Variants in MPP7 observed in about 807,000 individuals in gnomAD.
The protein encoded by MPP7 is MAGUK p55 subfamily member 7.
MPP7 carries 60 observed loss-of-function variants against 76.5 expected under a neutral mutation model. That is an observed-to-expected ratio of 0.78 (90% CI 0.64 to 0.97). The LOEUF is 0.97. Ranked by LOEUF, MPP7 falls within the 50% of genes least tolerant of loss-of-function variation. The pLI is 0.00. For missense variants in MPP7, 641 were observed against 694.0 expected (o/e 0.92, Z 0.86); for synonymous variants, 237 against 244.5 (o/e 0.97, Z 0.29).
chr10:28,068,183 T>C (rs1355984065), intron 13 of MPP7, among the ~76,000 whole-genome samples: 1 of 152,184 alleles, frequency 6.6e-6, no homozygotes, highest in Non-Finnish European at 1.5e-5. Context: ...GCTTTTGTAA[T>C]TGAGGTGAAT....
In MPP7 at chr10:28,255,419, C is replaced by CT. The variant is rs36120518; in HGVS notation, c.-131-16685dup. Among the ~76,000 whole-genome samples the CT allele has an allele frequency of 1.4e-3, 201 of 142,812 alleles. 1 individual carries two copies. The highest frequency in any genetic ancestry group is 7.6e-3 in the Middle Eastern group (2 of 264). 93.7% of individuals were successfully genotyped at this position (142,812 alleles called of 152,430 possible). A position where few individuals can be genotyped will look rare whatever the true frequency, so the allele number is the denominator to read the frequency against. ...GAGCCACCGCCTGGCCCACCTTTTT[C>CT]TTTTTTTTTTTTTCTGCAACGGAGT... On this transcript the variant is annotated intron_variant, in intron 1 of 16. Transcript: ENST00000683449.
Position 28,120,223 on chromosome 10 carries a change from G to A in MPP7, c.858C>T (p.Gly286=). The change falls in exon 10 of 17, where the codon GGC becomes GGT. Residue 286 remains glycine (G), a synonymous_variant. Transcript: ENST00000683449. The part of the protein sequence containing the change: ...KHEADANPRA[G]LIPSKHFQER... ...CCTGGAAATGCTTTGAGGGGATCAA[G>A]CCTGCCCTGGGGTTGGCATCAGCTT... The A allele has an allele frequency of 6.2e-7, 1 of 1,613,980 alleles. No individual in the cohort carries two copies. The highest frequency in any genetic ancestry group is 8.5e-7 in the Non-Finnish European group (1 of 1,179,894).
At chr10:28,117,457 C>A (rs957521207) in intron 11 of MPP7, among the ~76,000 whole-genome samples, 4 of 151,960 alleles carry the variant, frequency 2.6e-5, no homozygotes, top group African/African-American at 4.8e-5. Context: ...AGATTTTATA[C>A]CAACTTGCTG....
intron 8 of MPP7, among the ~76,000 whole-genome samples, chr10:28,121,411 G>T (rs903932204): frequency 2.1e-5 from 3 of 145,872 alleles, no homozygotes; most frequent in Non-Finnish European, 3.0e-5. Flanking sequence ...ATGCCCATCA[G>T]AAAAAAAAAA....
intron 3 of MPP7, among the ~76,000 whole-genome samples, chr10:28,162,362 C>T (rs527587873): frequency 2.2e-4 from 34 of 152,078 alleles, no homozygotes; most frequent in Non-Finnish European, 3.8e-4. Flanking sequence ...TTTTTTAATG[C>T]ATGGTAATAG....
chr10:28,059,849 A>T (rs1158324449), intron 13 of MPP7, 106 bp from the exon 14 acceptor site: 3 of 756,386 alleles, frequency 4.0e-6, no homozygotes, highest in Non-Finnish European at 6.6e-6. Context: ...AACAGGATTT[A>T]AAAATGTATT....
At chr10:28,171,061 AAATG>A (rs2133866738) in intron 3 of MPP7, among the ~76,000 whole-genome samples, 1 of 152,314 alleles carries the variant, frequency 6.6e-6, no homozygotes, top group Non-Finnish European at 1.5e-5. Context: ...AAAATTCTCA[AAATG>A]TCACACTACA....
chr10:28,226,912 T>G (rs1215515118), intron 2 of MPP7, among the ~76,000 whole-genome samples: 2 of 152,198 alleles, frequency 1.3e-5, no homozygotes, highest in African/African-American at 4.8e-5. Flanking sequence ...AGTAAAGGCA[T>G]GCAATGTAGT....
At chr10:28,239,334 CG>C (rs1398295707) in intron 1 of MPP7, among the ~76,000 whole-genome samples, 1 of 150,908 alleles carries the variant, frequency 6.6e-6, no homozygotes, top group Non-Finnish European at 1.5e-5. Flanking sequence ...TTAATAGAGA[CG>C]GGGGTTTCAC....
At chr10:28,183,540 A>C (rs537558109) in intron 3 of MPP7, among the ~76,000 whole-genome samples, 1 of 152,280 alleles carries the variant, frequency 6.6e-6, no homozygotes, top group African/African-American at 2.4e-5. Flanking sequence ...TGTAATCCCA[A>C]CACTTTGGGA....
At chr10:28,133,491 C>A (rs935722881) in intron 5 of MPP7, among the ~76,000 whole-genome samples, 34 of 152,212 alleles carry the variant, frequency 2.2e-4, no homozygotes, top group Non-Finnish European at 4.7e-4. Context: ...TCATACATGT[C>A]CATAATTTAT....
chr10:28,309,829 C>A (rs1841279215), intron 2 of MPP7, among the ~76,000 whole-genome samples: 1 of 123,336 alleles, frequency 8.1e-6, no homozygotes, highest in African/African-American at 3.3e-5. Flanking sequence ...GTGGCACATC[C>A]CCTCCCTGGG....
intron 2 of MPP7, among the ~76,000 whole-genome samples, chr10:28,237,368 C>A (rs1437737946): frequency 6.6e-6 from 1 of 152,120 alleles, no homozygotes; most frequent in African/African-American, 2.4e-5. Flanking sequence ...AAGGGTCTGG[C>A]TTCCAAGTTA....
At chr10:28,274,369 G>T (rs1172180771) in intron 1 of MPP7, among the ~76,000 whole-genome samples, 1 of 150,394 alleles carries the variant, frequency 6.6e-6, no homozygotes, top group Admixed American at 6.6e-5. Flanking sequence ...AAAGTGCTGG[G>T]ATTACAGGCA....
At chr10:28,112,713 A>G (rs1288778223) in intron 11 of MPP7, among the ~76,000 whole-genome samples, 1 of 152,212 alleles carries the variant, frequency 6.6e-6, no homozygotes, top group Admixed American at 6.5e-5. Flanking sequence ...TTGATCTCAG[A>G]AGAGAGTTGG....
chr10:28,126,166 T>C (rs1291550727), intron 6 of MPP7, among the ~76,000 whole-genome samples: 3 of 152,178 alleles, frequency 2.0e-5, no homozygotes, highest in African/African-American at 7.2e-5. Context: ...AAGAATTAAG[T>C]GACAGGCATT....
intron 11 of MPP7, among the ~76,000 whole-genome samples, chr10:28,111,863 TATG>T (rs1258947044): frequency 2.0e-5 from 3 of 152,156 alleles, no homozygotes; most frequent in Non-Finnish European, 4.4e-5. Flanking sequence ...CAAATCTAAC[TATG>T]AGTCAAGGTA....
chr10:28,290,074 C>T (rs529466961), intron 1 of MPP7, among the ~76,000 whole-genome samples: 21 of 152,362 alleles, frequency 1.4e-4, no homozygotes, highest in African/African-American at 4.8e-4. Flanking sequence ...CTGCCTCGAC[C>T]TCCCAAGGTG....
chr10:28,265,156 A>G (rs1163651694), intron 1 of MPP7, among the ~76,000 whole-genome samples: 2 of 152,180 alleles, frequency 1.3e-5, no homozygotes, highest in South Asian at 4.1e-4. Flanking sequence ...TGCTGCTGAT[A>G]TTTTTAAAAA....
Sources: allele counts gnomAD v4.1 joint callset (sites outside exome capture counted in the v4.1 genomes callset), GRCh38; gene constraint gnomAD v4.1.1; transcripts MANE v1.5; gene names NCBI Gene and HGNC (gene_info 2026-07-23, HGNC 2026-07-21).